Variants in ALDH16A1 observed in about 807,000 individuals in gnomAD.
ALDH16A1 encodes the protein aldehyde dehydrogenase family 16 member A1.
ALDH16A1 carries 88 observed loss-of-function variants against 96.1 expected under a neutral mutation model. That is an observed-to-expected ratio of 0.92 (90% CI 0.77 to 1.09). The LOEUF is 1.09. Ranked by LOEUF, ALDH16A1 falls within the 50% of genes least tolerant of loss-of-function variation. The probability of loss-of-function intolerance (pLI) is 0.00; values close to 1 mark genes in which losing one functional copy is unlikely to be tolerated. For missense variants in ALDH16A1, 1,250 were observed against 1,112.6 expected, an observed-to-expected ratio of 1.12 and a Z score of -1.76; for synonymous variants, 522 against 496.4, an observed-to-expected ratio of 1.05 and a Z score of -0.69.
In ALDH16A1 at chr19:49,470,239, G is replaced by A. The variant is rs139823644; in HGVS notation, c.2248-67G>A. 7.9e-5 allele frequency: 125 copies of A among 1,578,910 alleles called. 2 individuals are homozygous for A. In the South Asian group the frequency reaches 9.2e-4, roughly 12 times the overall value. On this transcript the variant is annotated intron_variant, in intron 16 of 16. Transcript: ENST00000293350. ...CCCCTCGTCAGTAACAGTCTTCATC[G>A]CGGAGGAAGCAGGTGCTCAGCAACA...
rs368885802 is a variant in ALDH16A1 at position 49,461,984 on chromosome 19, T to C, written c.860T>C (p.Val287Ala). 2.3e-5 allele frequency: 35 copies of C among 1,551,358 alleles called. No individual in the cohort carries two copies. The highest frequency in any genetic ancestry group is 2.9e-5 in the Non-Finnish European group (33 of 1,151,784). Residue 287 changes from valine (V) to alanine (A), a missense_variant, in exon 7 of 17, where the codon GTA becomes GCA. Coordinates refer to ENST00000293350, the MANE Select transcript of ALDH16A1 (RefSeq NM_153329.4). Reference protein sequence around the residue: ...SLLLLTDTADVDSAVEGVVDA... With the variant: ...SLLLLTDTADADSAVEGVVDA... Reference sequence around the variant, plus strand: ...CTGCTGCTGACGGACACGGCGGACGTAGACTCGGCCGTGGAGGGTGTCGTG... The same window carrying C: ...CTGCTGCTGACGGACACGGCGGACGCAGACTCGGCCGTGGAGGGTGTCGTG...
chr19:49,462,451 C>T, intron 7 of ALDH16A1, 119 bp from the exon 8 acceptor site: 2 of 1,269,532 alleles, frequency 1.6e-6, no homozygotes, highest in South Asian at 1.4e-5. Flanking sequence ...TTCTTTAGGA[C>T]TCTGTTGATT....
Position 49,468,795 on chromosome 19 carries a change from C to A in ALDH16A1, c.2125-69C>A. ...CCCATCCCCTTCCCTCCCATGGGCA[C>A]CCCCTGAATGCCCACTCCTTGCCCT... On this transcript the variant is annotated intron_variant, in intron 15 of 16. Coordinates refer to ENST00000293350, the MANE Select transcript of ALDH16A1 (RefSeq NM_153329.4). The surrounding 1 kb of genome is among the most constrained non-coding windows in gnomAD (Gnocchi z 4.4). 6.5e-7 allele frequency: 1 copy of A among 1,545,218 alleles called. No homozygotes were observed. The highest frequency in any genetic ancestry group is 8.8e-7 in the Non-Finnish European group (1 of 1,133,584).
chr19:49,461,711 C>A lies in ALDH16A1; in HGVS notation c.670C>A (p.Leu224Met). The stretch of plus-strand genomic sequence containing the variant: ...GGAGCTGGGCCCCTTCCCGGGAATC[C>A]TGAATGTCCTCAGTGGCCCTGCGTC... ...AGELGPFPGI[L>M]NVLSGPASLV... Residue 224 changes from leucine to methionine, a missense_variant, in exon 6 of 17, where the codon CTG (leucine) becomes ATG (methionine). Physicochemically the swap from Leu to Met is conservative, Grantham distance 15. Coordinates refer to ENST00000293350, the MANE Select transcript of ALDH16A1 (RefSeq NM_153329.4). 6.2e-7 allele frequency: 1 copy of A among 1,610,116 alleles called. No homozygotes were observed.
At chr19:49,460,723 T>TC in intron 4 of ALDH16A1, 99 bp from the exon 5 acceptor site, 1 of 1,003,960 alleles carries the variant, frequency 1.0e-6, no homozygotes, top group Non-Finnish European at 1.5e-6. Context: ...CATTTTTTTT[T>TC]TTTTTTCCTA....
At position 49,459,928 on chromosome 19, in the gene ALDH16A1, T is replaced by C. The variant is rs1010423226; in HGVS notation, c.499+80T>C. ...TCCAGTCCCCTCATTCTTTTTCTTT[T>C]AGACAGAGTTTCGCTCTTGTCGCCC... On this transcript the variant is annotated intron_variant, in intron 4 of 16. Coordinates refer to ENST00000293350, the MANE Select transcript of ALDH16A1 (RefSeq NM_153329.4). The surrounding 1 kb of genome is among the most constrained non-coding windows in gnomAD (Gnocchi z 4.1). The C allele has an allele frequency of 1.4e-6, 2 of 1,481,002 alleles. No individual in the cohort carries two copies. The highest frequency in any genetic ancestry group is 2.9e-5 in the African/African-American group (2 of 68,532). 91.7% of individuals were successfully genotyped at this position (1,481,002 alleles called of 1,614,324 possible). A position where few individuals can be genotyped will look rare whatever the true frequency, so the allele number is the denominator to read the frequency against.
rs761207487 is a variant in ALDH16A1, at chr19:49,466,251, G to C, written c.1906G>C (p.Ala636Pro). 2 of 1,478,750 alleles carry C rather than the reference G, an allele frequency of 1.4e-6. No individual in the cohort carries two copies. The highest frequency in any genetic ancestry group is 1.8e-4 in the Middle Eastern group (1 of 5,496). The allele number at this position is 1,478,750 out of a possible 1,614,324, so 91.6% of individuals were successfully genotyped here. A position where few individuals can be genotyped will look rare whatever the true frequency, so the allele number is the denominator to read the frequency against. The change falls in exon 14 of 17, where the codon GCC (alanine) becomes CCC (proline). Residue 636 changes from alanine (A) to proline (P), a missense_variant. Physicochemically the swap from Ala to Pro is conservative, Grantham distance 27. Transcript: ENST00000293350. ...CGCAAGACGACTTCGGGCGTGGGGG[G>C]CCCGGGTGCAGGCCCAAGGCCACAC... is the stretch of plus-strand genomic sequence containing the variant. ...LSARRLRAWG[A>P]RVQAQGHTLQ...
intron 4 of ALDH16A1, among the ~76,000 whole-genome samples, chr19:49,460,202 C>T (rs192825256): frequency 7.3e-5 from 11 of 151,710 alleles, no homozygotes; most frequent in Admixed American, 3.3e-4. Context: ...CATGAGCCAC[C>T]GTGCCCGGTC....
At chr19:49,462,499 T>C in intron 7 of ALDH16A1, 71 bp from the exon 8 acceptor site, 1 of 1,526,518 alleles carries the variant, frequency 6.6e-7, no homozygotes, top group Non-Finnish European at 8.9e-7. Context: ...CCAGCCTCTG[T>C]CTTCACTCTT....
chr19:49,464,396 A>C (rs772118363), intron 10 of ALDH16A1, 21 bp from the exon 11 acceptor site: 2 of 1,583,472 alleles, frequency 1.3e-6, no homozygotes, highest in East Asian at 2.3e-5. Context: ...CCTCTGTTGG[A>C]CACCTTCATC....
rs1488163140 is a variant in ALDH16A1, at chr19:49,459,103, G to T, written c.320+17G>T. On this transcript the variant is annotated intron_variant, in intron 3 of 16. Coordinates refer to ENST00000293350, the MANE Select transcript of ALDH16A1 (RefSeq NM_153329.4). The surrounding 1 kb of genome is among the most constrained non-coding windows in gnomAD (Gnocchi z 4.1). ...CCTGACCAGGTGATGCAGCTGAGGT[G>T]TGGACCCCGGGAGGCGGGGAACCCC... The T allele has an allele frequency of 6.2e-7, 1 of 1,603,876 alleles. No individual in the cohort carries two copies. Among genetic ancestry groups the T allele is most frequent in the Non-Finnish European group, 8.5e-7 (1 of 1,173,354 alleles).
rs114008467 is a variant in ALDH16A1 at position 49,455,762 on chromosome 19, G to C, written c.90+2341G>C. ...ATAAAAATAAAACATAAAAAGTGAA[G>C]TTGAGACTTGGACTTGAGTCCTTGC... On this transcript the variant is annotated intron_variant, in intron 1 of 16. Transcript: ENST00000293350. Among the ~76,000 whole-genome samples, 1,024 of 152,270 alleles carry C rather than the reference G, an allele frequency of 6.7e-3. 11 individuals carry two copies. The highest frequency in any genetic ancestry group is 0.023 in the African/African-American group (971 of 41,538).
At chr19:49,470,240 C>A (rs1032063307) in intron 16 of ALDH16A1, 66 bp from the exon 17 acceptor site, 1 of 1,579,866 alleles carries the variant, frequency 6.3e-7, no homozygotes, top group African/African-American at 1.4e-5. Flanking sequence ...GTCTTCATCG[C>A]GGAGGAAGCA....
At chr19:49,457,415 G>C (rs1363789218) in intron 1 of ALDH16A1, among the ~76,000 whole-genome samples, 2 of 151,526 alleles carry the variant, frequency 1.3e-5, no homozygotes, top group Non-Finnish European at 2.9e-5. Context: ...AGGCGTGGTG[G>C]CAGGCGCATG....
intron 12 of ALDH16A1, among the ~76,000 whole-genome samples, chr19:49,465,117 G>C (rs2122411650): frequency 6.6e-6 from 1 of 150,382 alleles, no homozygotes; most frequent in East Asian, 2.0e-4. Flanking sequence ...GCTCATGGGA[G>C]CAGGAGTTTG....
chr19:49,467,459 A>G (rs572862983), intron 14 of ALDH16A1, among the ~76,000 whole-genome samples: 3 of 150,344 alleles, frequency 2.0e-5, no homozygotes, highest in South Asian at 4.2e-4. Context: ...CAGTGGCGCA[A>G]TCTCGGCTCA....
chr19:49,454,796 A>C (rs2122359841), intron 1 of ALDH16A1, among the ~76,000 whole-genome samples: 1 of 152,294 alleles, frequency 6.6e-6, no homozygotes, highest in Middle Eastern at 3.4e-3. Flanking sequence ...CAGCCTGGGC[A>C]ACATAGTGAA....
chr19:49,462,655 G>T lies in ALDH16A1; in HGVS notation c.998G>T (p.Gly333Val). ...LQERMGRLRS[G>V]RGLDGAVDMG... Reference sequence around the variant, plus strand: ...GAGCGGATGGGGCGGCTTCGGAGTGGCCGAGGGCTGGATGGGGCCGTGGAC... The same window carrying T: ...GAGCGGATGGGGCGGCTTCGGAGTGTCCGAGGGCTGGATGGGGCCGTGGAC... The change falls in exon 8 of 17, where the codon GGC becomes GTC. Residue 333 changes from glycine (G) to valine (V), a missense_variant. By Grantham distance (109) the Gly-to-Val change is moderately radical. Transcript: ENST00000293350. The T allele has an allele frequency of 6.2e-7, 1 of 1,612,230 alleles. No homozygotes were observed. Among genetic ancestry groups the T allele is most frequent in the Non-Finnish European group, 8.5e-7 (1 of 1,179,826 alleles).
chr19:49,454,467 C>T (rs1421779866), intron 1 of ALDH16A1, among the ~76,000 whole-genome samples: 1 of 152,056 alleles, frequency 6.6e-6, no homozygotes, highest in Non-Finnish European at 1.5e-5. Flanking sequence ...CCATGATCCC[C>T]TGGGGGTCCT....
Sources: allele counts gnomAD v4.1 joint callset (sites outside exome capture counted in the v4.1 genomes callset), GRCh38; gene constraint gnomAD v4.1.1; non-coding constraint Gnocchi (gnomAD v3.1); transcripts MANE v1.5; gene names NCBI Gene and HGNC (gene_info 2026-07-23, HGNC 2026-07-21).